C1GALT1: variants seen among roughly 807,000 people sequenced by gnomAD.
The protein encoded by C1GALT1 is core 1 synthase, glycoprotein-N-acetylgalactosamine 3-beta-galactosyltransferase 1, also known as glycoprotein-N-acetylgalactosamine 3-beta-galactosyltransferase 1.
Under a neutral mutation model 31.0 loss-of-function variants are expected in C1GALT1, and 11 were observed. The ratio of observed to expected loss-of-function variants is 0.36; its 90% CI spans 0.22 to 0.59. C1GALT1 has a LOEUF of 0.59. Ranked by LOEUF, C1GALT1 falls within the 20% of genes least tolerant of loss-of-function variation. C1GALT1 has a pLI of 0.79. For synonymous variants in C1GALT1, 175 were observed against 143.6 expected, an observed-to-expected ratio of 1.22 and a Z score of -1.56; for missense variants, 424 against 425.2, an observed-to-expected ratio of 1.00 and a Z score of 0.03.
chr7:7,218,934 C>T lies in C1GALT1; in HGVS notation c.-17-15369C>T, dbSNP rs183314296. ...CTGCAAGCTCCGCCTCCGCAGTTCACGCCATTCTCCTGCCTCAGCCTCCTG... is the reference window on the plus strand; with the variant it reads ...CTGCAAGCTCCGCCTCCGCAGTTCATGCCATTCTCCTGCCTCAGCCTCCTG... On this transcript the variant is annotated intron_variant, in intron 1 of 3. Transcript: ENST00000436587. 4.7e-3 allele frequency among the ~76,000 whole-genome samples: 714 copies of T among 151,726 alleles called. 6 individuals are homozygous for T. Among genetic ancestry groups the T allele is most frequent in the African/African-American group, 0.016 (681 of 41,326 alleles).
At chr7:7,190,547 T>C (rs1781023442) in intron 1 of C1GALT1, among the ~76,000 whole-genome samples, 1 of 152,174 alleles carries the variant, frequency 6.6e-6, no homozygotes, top group African/African-American at 2.4e-5. Context: ...TTAAACAGAC[T>C]GAGAGTTTGT....
intron 1 of C1GALT1, among the ~76,000 whole-genome samples, chr7:7,201,937 A>T (rs547740900): frequency 1.3e-5 from 2 of 152,324 alleles, no homozygotes; most frequent in Admixed American, 6.5e-5. Context: ...TCTTTCCCCA[A>T]TTCCACTGGC....
Position 7,248,060 on chromosome 7 carries a change from T to C in C1GALT1, c.*4333T>C, listed in dbSNP as rs1783917890. On this transcript the variant is annotated 3_prime_UTR_variant, in exon 4 of 4. Transcript: ENST00000436587. ...CAAAACTCATTTTATTTTTCTACTT[T>C]ATAGTAGGCCTGACAGAAACATAGT... 1 of 152,064 alleles carries C rather than the reference T, an allele frequency of 6.6e-6. No individual in the cohort carries two copies. The highest frequency in any genetic ancestry group is 6.5e-5 in the Admixed American group (1 of 15,274). The allele number at this position is 152,064 out of a possible 1,614,324, so 9.4% of individuals were successfully genotyped here.
intron 2 of C1GALT1, among the ~76,000 whole-genome samples, chr7:7,171,747 T>A (rs1391503309): frequency 6.6e-6 from 1 of 152,168 alleles, no homozygotes; most frequent in Non-Finnish European, 1.5e-5. Context: ...TTTGTATATA[T>A]CTTTTAGATA....
At chr7:7,243,247 T>G (rs987365101) in intron 3 of C1GALT1, among the ~76,000 whole-genome samples, 2 of 152,162 alleles carry the variant, frequency 1.3e-5, no homozygotes, top group African/African-American at 4.8e-5. Context: ...CTCAGTAATT[T>G]TATCCGCTAA....
chr7:7,183,136 G>C (rs942057204), intron 1 of C1GALT1, among the ~76,000 whole-genome samples: 2 of 152,038 alleles, frequency 1.3e-5, no homozygotes, highest in African/African-American at 4.8e-5. Flanking sequence ...TTCTGCTCGC[G>C]CGCTGCCTGG....
intron 1 of C1GALT1, among the ~76,000 whole-genome samples, chr7:7,195,574 A>T (rs1781247031): frequency 6.6e-6 from 1 of 151,952 alleles, no homozygotes; most frequent in Non-Finnish European, 1.5e-5. Flanking sequence ...ATTTGTTGAG[A>T]CTTGTTTTGT....
At chr7:7,177,895 C>T (rs1206872326), upstream of C1GALT1, 13 of 162,636 alleles carry the variant, frequency 8.0e-5, no homozygotes, top group East Asian at 1.6e-3. Flanking sequence ...ATAATTTTCC[C>T]CAGTTAGTGG....
chr7:7,172,672 G>C (rs979739560), intron 2 of C1GALT1, among the ~76,000 whole-genome samples: 7 of 151,952 alleles, frequency 4.6e-5, no homozygotes, highest in Non-Finnish European at 8.8e-5. Context: ...GCCATTTTAG[G>C]TTTACAGTGA....
chr7:7,167,410 A>C (rs1001721991), intron 2 of C1GALT1, among the ~76,000 whole-genome samples: 1 of 152,196 alleles, frequency 6.6e-6, no homozygotes, highest in Non-Finnish European at 1.5e-5. Flanking sequence ...TGTATTAAAA[A>C]TGTTATACTG....
chr7:7,200,131 A>T (rs1194421803), intron 1 of C1GALT1, among the ~76,000 whole-genome samples: 1 of 152,182 alleles, frequency 6.6e-6, no homozygotes, highest in Non-Finnish European at 1.5e-5. Context: ...GTTTCTTCCT[A>T]GCAGCGATGG....
chr7:7,240,059 A>T (rs1783555545), intron 3 of C1GALT1, among the ~76,000 whole-genome samples: 1 of 152,196 alleles, frequency 6.6e-6, no homozygotes. Context: ...TATAAATAAT[A>T]CACTTCATGC....
chr7:7,190,994 C>CAA (rs1781048661), intron 1 of C1GALT1, among the ~76,000 whole-genome samples: 1 of 151,920 alleles, frequency 6.6e-6, no homozygotes, highest in South Asian at 2.1e-4. Context: ...AAAATACATA[C>CAA]AAAGTTTACC....
intron 2 of C1GALT1, among the ~76,000 whole-genome samples, chr7:7,174,209 A>T (rs901145008): frequency 2.7e-4 from 41 of 152,146 alleles, no homozygotes; most frequent in African/African-American, 9.7e-4. Flanking sequence ...TAGAGACCCC[A>T]TCTCCAAATA....
Position 7,244,601 on chromosome 7 carries a change from G to A in C1GALT1, c.*874G>A, listed in dbSNP as rs1207322603. ...GTTTCAGGATGCTTTTCTTATAACA[G>A]TGCCACTCTCAGGAATTACTAAGTG... On this transcript the variant is annotated 3_prime_UTR_variant, in exon 4 of 4. Transcript: ENST00000436587. 1 of 152,054 alleles carries A rather than the reference G, an allele frequency of 6.6e-6. No homozygotes were observed. Among genetic ancestry groups the A allele is most frequent in the Admixed American group, 6.5e-5 (1 of 15,270 alleles). The allele number at this position is 152,054 out of a possible 1,614,324, so 9.4% of individuals were successfully genotyped here. A position where few individuals can be genotyped will look rare whatever the true frequency, so the allele number is the denominator to read the frequency against.
intron 1 of C1GALT1, among the ~76,000 whole-genome samples, chr7:7,188,995 A>G (rs562267015): frequency 2.9e-4 from 44 of 152,276 alleles, no homozygotes; most frequent in Non-Finnish European, 5.9e-4. Flanking sequence ...TTTTCTGTCT[A>G]TGATTTTCTT....
chr7:7,174,516 G>A (rs1056402940), intron 2 of C1GALT1, among the ~76,000 whole-genome samples: 1 of 152,036 alleles, frequency 6.6e-6, no homozygotes, highest in Non-Finnish European at 1.5e-5. Flanking sequence ...AGCTGAGGTG[G>A]GAGGATTACA....
chr7:7,227,738 G>C (rs1265831533), intron 1 of C1GALT1, among the ~76,000 whole-genome samples: 2 of 148,732 alleles, frequency 1.3e-5, no homozygotes, highest in African/African-American at 2.5e-5. Context: ...AAAAAAAAGG[G>C]AAGAGGAACA....
chr7:7,196,003 G>A (rs1237691386), intron 1 of C1GALT1, among the ~76,000 whole-genome samples: 1 of 151,994 alleles, frequency 6.6e-6, no homozygotes, highest in Non-Finnish European at 1.5e-5. Context: ...CTAGCTTTCT[G>A]TGTCCACTGG....
Sources: allele counts gnomAD v4.1 joint callset (sites outside exome capture counted in the v4.1 genomes callset), GRCh38; gene constraint gnomAD v4.1.1; transcripts MANE v1.5; gene names NCBI Gene and HGNC (gene_info 2026-07-23, HGNC 2026-07-21).